The following SUMF1 variants were observed in gnomAD, a reference collection of about 807,000 sequenced individuals.
SUMF1 encodes the protein sulfatase modifying factor 1, also known as formylglycine-generating enzyme.
In SUMF1, 48 loss-of-function variants were observed where a neutral mutation model predicts 47.6. The ratio of observed to expected loss-of-function variants is 1.01; its 90% CI spans 0.80 to 1.28. The LOEUF (loss-of-function observed/expected upper bound fraction) is 1.28, where lower values mean the gene tolerates loss of function less well. Ranked by LOEUF, SUMF1 falls within the 50% of genes most tolerant of loss-of-function variation. The pLI is 0.00. For synonymous variants in SUMF1, 230 were observed against 192.1 expected (o/e 1.20, Z -1.63); for missense variants, 571 against 485.4 (o/e 1.18, Z -1.66).
intron 8 of SUMF1, among the ~76,000 whole-genome samples, chr3:4,184,550 CATTTCAACTTT>C (rs1695161608): frequency 6.6e-6 from 1 of 152,034 alleles, no homozygotes; most frequent in Non-Finnish European, 1.5e-5. Flanking sequence ...TCTTGAAGGT[CATTTCAACTTT>C]AATGTTTTAT....
At chr3:4,445,247 C>T (rs1702740158) in intron 3 of SUMF1, among the ~76,000 whole-genome samples, 1 of 152,112 alleles carries the variant, frequency 6.6e-6, no homozygotes, top group Non-Finnish European at 1.5e-5. Flanking sequence ...TAAATTACAT[C>T]TCAATAAAGC....
chr3:4,360,950 G>C (rs916734760), downstream of SUMF1, among the ~76,000 whole-genome samples: 3 of 152,162 alleles, frequency 2.0e-5, no homozygotes, highest in Admixed American at 6.5e-5. Context: ...CAAGCAGCAA[G>C]GTCATGATAG....
chr3:4,264,803 G>A (rs1332793801), intron 8 of SUMF1, among the ~76,000 whole-genome samples: 1 of 152,082 alleles, frequency 6.6e-6, no homozygotes, highest in Non-Finnish European at 1.5e-5. Flanking sequence ...AGCAGCAATT[G>A]CTAACAAGTC....
intron 8 of SUMF1, among the ~76,000 whole-genome samples, chr3:4,339,401 G>A (rs56031042): frequency 6.6e-6 from 1 of 152,094 alleles, no homozygotes; most frequent in Non-Finnish European, 1.5e-5. Flanking sequence ...GGAATGGAAG[G>A]AAAGGAAGCA....
intron 8 of SUMF1, among the ~76,000 whole-genome samples, chr3:4,171,122 T>C (rs1263541161): frequency 2.0e-5 from 3 of 152,208 alleles, no homozygotes; most frequent in African/African-American, 7.2e-5. Flanking sequence ...GGAGAGAGGA[T>C]ACTTTATGGC....
intron 8 of SUMF1, among the ~76,000 whole-genome samples, chr3:4,166,507 G>A (rs1233928156): frequency 6.6e-6 from 1 of 152,136 alleles, no homozygotes. Context: ...GTGATCCCAG[G>A]TGCCTAAAGA....
chr3:4,334,120 C>T (rs308740), intron 8 of SUMF1, among the ~76,000 whole-genome samples: 10,183 of 151,252 alleles, frequency 0.067, 552 homozygotes, highest in South Asian at 0.31. Flanking sequence ...AAAGCAAGAC[C>T]CATCTTTAAA....
At position 4,203,742 on chromosome 3, in the gene SUMF1, T is replaced by C. The variant is rs539088226; in HGVS notation, c.1015-134997A>G. Among the ~76,000 whole-genome samples the C allele has an allele frequency of 3.9e-5, 6 of 152,040 alleles. No homozygotes were observed. In the East Asian group the frequency reaches 9.7e-4, roughly 25 times the overall value. The stretch of plus-strand genomic sequence containing the variant: ...TGTATTTTAATTTCTCTTTTCATTT[T>C]TAGTATATCTGTTGTAGGTTTTTTT... On this transcript the variant is annotated intron_variant and NMD_transcript_variant, in intron 8 of 12. Coordinates refer to the SUMF1 transcript ENST00000448413.
intron 9 of SUMF1, among the ~76,000 whole-genome samples, chr3:4,046,829 G>T (rs1087818): frequency 0.99 from 150,336 of 152,248 alleles, 74,255 homozygotes; most frequent in Middle Eastern, 1. Flanking sequence ...CATGGCAGAA[G>T]GATCTTTCAA....
chr3:4,272,534 C>G (rs1189278648), intron 8 of SUMF1, among the ~76,000 whole-genome samples: 1 of 152,130 alleles, frequency 6.6e-6, no homozygotes, highest in Non-Finnish European at 1.5e-5. Flanking sequence ...CACAAGGAAA[C>G]TATCAGGTAG....
intron 8 of SUMF1, among the ~76,000 whole-genome samples, chr3:4,168,260 C>A (rs1335945565): frequency 6.6e-6 from 1 of 152,186 alleles, no homozygotes; most frequent in Non-Finnish European, 1.5e-5. Flanking sequence ...ACATTTATTA[C>A]TGACTCAACC....
At chr3:4,290,879 G>C (rs990122529) in intron 8 of SUMF1, among the ~76,000 whole-genome samples, 4 of 151,822 alleles carry the variant, frequency 2.6e-5, no homozygotes, top group Admixed American at 6.6e-5. Context: ...TTGGTAGCTT[G>C]AAATTAGCCA....
intron 8 of SUMF1, among the ~76,000 whole-genome samples, chr3:4,279,537 T>G (rs1697486565): frequency 6.6e-6 from 1 of 152,060 alleles, no homozygotes; most frequent in Non-Finnish European, 1.5e-5. Context: ...AAGTTACAAA[T>G]AGTAGGCGCT....
chr3:4,211,658 A>G (rs1171580458), intron 8 of SUMF1, among the ~76,000 whole-genome samples: 1 of 152,156 alleles, frequency 6.6e-6, no homozygotes, highest in Non-Finnish European at 1.5e-5. Flanking sequence ...AAAAGATGCC[A>G]TTAGACTATA....
intron 8 of SUMF1, among the ~76,000 whole-genome samples, chr3:4,202,859 T>A (rs1249470505): frequency 6.6e-6 from 1 of 152,034 alleles, no homozygotes; most frequent in Non-Finnish European, 1.5e-5. Flanking sequence ...AGCATATTGT[T>A]AATTTCCATG....
intron 8 of SUMF1, among the ~76,000 whole-genome samples, chr3:4,269,140 G>A (rs2125033424): frequency 6.6e-6 from 1 of 152,202 alleles, no homozygotes; most frequent in South Asian, 2.1e-4. Flanking sequence ...CCATAGATGT[G>A]TTTTGGCTGT....
At chr3:4,449,145 A>G in intron 3 of SUMF1, 121 bp downstream of exon 3, 1 of 1,092,572 alleles carries the variant, frequency 9.2e-7, no homozygotes, top group Non-Finnish European at 1.4e-6. Context: ...GTCAATCCTC[A>G]GCAGGAGAAT....
intron 8 of SUMF1, among the ~76,000 whole-genome samples, chr3:4,084,838 T>C (rs1243605731): frequency 1.3e-5 from 2 of 152,116 alleles, no homozygotes; most frequent in Non-Finnish European, 2.9e-5. Context: ...GTGGTTATCT[T>C]GTTTAAAGAT....
chr3:4,319,644 A>AGTT (rs1186424390), intron 8 of SUMF1, among the ~76,000 whole-genome samples: 1 of 152,262 alleles, frequency 6.6e-6, no homozygotes, highest in Non-Finnish European at 1.5e-5. Flanking sequence ...TCTATGGGAC[A>AGTT]GTTGGAACAG....
Sources: gnomAD v4.1 joint callset for allele counts (sites outside exome capture counted in the v4.1 genomes callset) on GRCh38, gnomAD v4.1.1 for gene constraint, MANE v1.5 for transcripts, NCBI Gene and HGNC (gene_info 2026-07-23, HGNC 2026-07-21) for gene names.